Variants in SCRG1 observed in about 807,000 individuals in gnomAD.
SCRG1 encodes the protein scrapie-responsive protein 1.
In SCRG1, 3 loss-of-function variants were observed where a neutral mutation model predicts 7.7. The observed-to-expected ratio is 0.39, with a 90% confidence interval of 0.18 to 1.01. SCRG1 has a LOEUF of 1.01. SCRG1 is among the 50% of genes least tolerant of loss of function. The pLI, the probability that SCRG1 is intolerant of heterozygous loss-of-function variation, is 0.36. For synonymous variants in SCRG1, 46 were observed against 41.2 expected, an observed-to-expected ratio of 1.12 and a Z score of -0.44; for missense variants, 110 against 117.2, an observed-to-expected ratio of 0.94 and a Z score of 0.28.
At chr4:173,452,464 CA>C in the SCRG1 span, among the ~76,000 whole-genome samples, 3 of 152,060 alleles carry the variant, frequency 2.0e-5, no homozygotes, top group African/African-American at 7.2e-5. Context: ...TTGGGTTGTT[CA>C]AGGGCCAACT....
chr4:173,472,049 A>T, the SCRG1 span, among the ~76,000 whole-genome samples: 1 of 152,232 alleles, frequency 6.6e-6, no homozygotes, highest in African/African-American at 2.4e-5. Context: ...CTGACTTCTT[A>T]ACACTTGGGT....
the SCRG1 span, among the ~76,000 whole-genome samples, chr4:173,460,708 G>T: frequency 1.3e-5 from 2 of 152,210 alleles, no homozygotes; most frequent in African/African-American, 4.8e-5. Flanking sequence ...CCTCTGAGAC[G>T]TGCTGGCTTC....
chr4:173,453,232 G>A, the SCRG1 span, among the ~76,000 whole-genome samples: 5 of 152,142 alleles, frequency 3.3e-5, no homozygotes, highest in African/African-American at 4.8e-5. Flanking sequence ...GACAGACTTC[G>A]TTTTCATATT....
At chr4:173,512,694 T>G in the SCRG1 span, among the ~76,000 whole-genome samples, 1 of 152,288 alleles carries the variant, frequency 6.6e-6, no homozygotes, top group Admixed American at 6.5e-5. Context: ...CAAGGGACAC[T>G]ATGCATGGCA....
At chr4:173,507,035 T>G in the SCRG1 span, among the ~76,000 whole-genome samples, 1 of 152,186 alleles carries the variant, frequency 6.6e-6, no homozygotes, top group Admixed American at 6.5e-5. This position sits in a 1 kb window ranked among gnomAD's most constrained non-coding sequence, Gnocchi z 4.4. Flanking sequence ...CATGCTGCGC[T>G]GCGGCGGCCA....
At chr4:173,504,308 C>T in the SCRG1 span, among the ~76,000 whole-genome samples, 1 of 152,188 alleles carries the variant, frequency 6.6e-6, no homozygotes, top group Non-Finnish European at 1.5e-5. This position sits in a 1 kb window ranked among gnomAD's most constrained non-coding sequence, Gnocchi z 4.7. Flanking sequence ...GCGCAAACGG[C>T]GTGCTCCTCC....
the SCRG1 span, among the ~76,000 whole-genome samples, chr4:173,507,584 C>T: frequency 1.4e-3 from 218 of 152,218 alleles, 2 homozygotes; most frequent in South Asian, 0.043. This position sits in a 1 kb window ranked among gnomAD's most constrained non-coding sequence, Gnocchi z 4.4. Context: ...CTCTTTCTTC[C>T]CACATCTCCC....
the SCRG1 span, among the ~76,000 whole-genome samples, chr4:173,417,808 C>T: frequency 6.6e-6 from 1 of 152,134 alleles, no homozygotes. Context: ...TGATCTTATT[C>T]TTGTTCCGCA....
At chr4:173,463,365 C>G in the SCRG1 span, among the ~76,000 whole-genome samples, 1 of 152,156 alleles carries the variant, frequency 6.6e-6, no homozygotes, top group South Asian at 2.1e-4. Flanking sequence ...CCTCTGCCCC[C>G]CCGGGTTTAA....
At chr4:173,492,901 C>T in the SCRG1 span, among the ~76,000 whole-genome samples, 402 of 152,256 alleles carry the variant, frequency 2.6e-3, 2 homozygotes, top group African/African-American at 9.2e-3. Context: ...CAATACAGGG[C>T]GGTGGGGAAA....
chr4:173,393,327 T>C (rs987821832), intron 1 of SCRG1, among the ~76,000 whole-genome samples: 1 of 152,226 alleles, frequency 6.6e-6, no homozygotes, highest in African/African-American at 2.4e-5. Flanking sequence ...TGGCTTTGGC[T>C]ATATATTTCC....
At chr4:173,481,234 T>G in the SCRG1 span, among the ~76,000 whole-genome samples, 3 of 152,190 alleles carry the variant, frequency 2.0e-5, no homozygotes, top group Non-Finnish European at 4.4e-5. Context: ...GGTAACAGTG[T>G]CTGGTGTTTA....
chr4:173,403,798 G>A (rs1739822315), upstream of SCRG1, among the ~76,000 whole-genome samples: 4 of 152,124 alleles, frequency 2.6e-5, no homozygotes, highest in South Asian at 8.3e-4. Context: ...CCAGAGCCTA[G>A]CAATAATTTT....
the SCRG1 span, among the ~76,000 whole-genome samples, chr4:173,482,260 T>C: frequency 6.6e-6 from 1 of 152,178 alleles, no homozygotes. Context: ...TTTAGTCTTC[T>C]TGAGTGTTAA....
chr4:173,393,978 T>G (rs1201191204), intron 1 of SCRG1, among the ~76,000 whole-genome samples: 2 of 152,156 alleles, frequency 1.3e-5, no homozygotes, highest in African/African-American at 4.8e-5. Context: ...CTTTTTTCAT[T>G]TCTTTACTTT....
At chr4:173,431,751 A>G in the SCRG1 span, among the ~76,000 whole-genome samples, 2 of 152,206 alleles carry the variant, frequency 1.3e-5, no homozygotes, top group Non-Finnish European at 2.9e-5. Context: ...TCATCTTCCC[A>G]ATGAATGGGA....
chr4:173,393,745 T>C (rs1739515114), intron 1 of SCRG1, among the ~76,000 whole-genome samples: 1 of 151,840 alleles, frequency 6.6e-6, no homozygotes, highest in Non-Finnish European at 1.5e-5. Flanking sequence ...ATTGTGTTGC[T>C]ATTTCTCATT....
chr4:173,462,433 C>T, the SCRG1 span, among the ~76,000 whole-genome samples: 47,000 of 151,956 alleles, frequency 0.31, 7,546 homozygotes, highest in South Asian at 0.47. Context: ...AAAAAACCCT[C>T]TTGCCCTAAA....
the SCRG1 span, among the ~76,000 whole-genome samples, chr4:173,503,894 C>T: frequency 1.3e-5 from 2 of 152,326 alleles, no homozygotes; most frequent in African/African-American, 4.8e-5. The surrounding 1 kb of genome is among the most constrained non-coding windows in gnomAD (Gnocchi z 6.4). Context: ...AAACCTCCTG[C>T]AGGGGAAGAA....
Sources: allele counts gnomAD v4.1 joint callset (sites outside exome capture counted in the v4.1 genomes callset), GRCh38; gene constraint gnomAD v4.1.1; non-coding constraint Gnocchi (gnomAD v3.1); transcripts MANE v1.5; gene names NCBI Gene and HGNC (gene_info 2026-07-23, HGNC 2026-07-21).